SNX13: variants seen among roughly 807,000 people sequenced by gnomAD.
SNX13 encodes sorting nexin 13.
In SNX13, 45 loss-of-function variants were observed where a neutral mutation model predicts 133.6. That is an observed-to-expected ratio of 0.34 (90% CI 0.27 to 0.43). The LOEUF (loss-of-function observed/expected upper bound fraction) is 0.43. Ranked by LOEUF, SNX13 falls within the 20% of genes least tolerant of loss-of-function variation. The pLI is 1.00. For synonymous variants in SNX13, 414 were observed against 373.9 expected (o/e 1.11, Z -1.24); for missense variants, 1,032 against 1,145.1 (o/e 0.90, Z 1.43).
At chr7:17,855,615 A>G (rs937039220) in intron 9 of SNX13, among the ~76,000 whole-genome samples, 5 of 152,216 alleles carry the variant, frequency 3.3e-5, no homozygotes, top group Admixed American at 2.6e-4. Context: ...AGCCTGAATA[A>G]TAGCATGTCT....
chr7:17,856,719 T>C (rs1248838321), intron 9 of SNX13, among the ~76,000 whole-genome samples: 3 of 149,088 alleles, frequency 2.0e-5, no homozygotes, highest in South Asian at 2.1e-4. Context: ...ATGAGCCTGG[T>C]TGAGGTTGCA....
intron 1 of SNX13, 81 bp from the exon 2 acceptor site, chr7:17,897,527 A>G (rs1379897390): frequency 2.7e-6 from 2 of 748,074 alleles, no homozygotes; most frequent in African/African-American, 3.6e-5. Context: ...ACTTTTACAT[A>G]GTTTTAAATT....
rs942030874 is a variant in SNX13 at position 17,795,631 on chromosome 7, G to C, written c.2626+1196C>G. On this transcript the variant is annotated intron_variant, in intron 25 of 25. Transcript: ENST00000428135. Reference sequence around the variant, plus strand: ...CCATTTATTTGTTCTGTGTGTTTTTGAGTCTCTCTATTTCTACTGGAAAGT... The same window carrying C: ...CCATTTATTTGTTCTGTGTGTTTTTCAGTCTCTCTATTTCTACTGGAAAGT... 10 of 151,602 alleles carry C rather than the reference G, an allele frequency of 6.6e-5. No homozygotes were observed. In the East Asian group the frequency reaches 7.7e-4, roughly 12 times the overall value. 9.4% of individuals were successfully genotyped at this position (151,602 alleles called of 1,614,324 possible). A position where few individuals can be genotyped will look rare whatever the true frequency, so the allele number is the denominator to read the frequency against.
intron 3 of SNX13, among the ~76,000 whole-genome samples, chr7:17,892,945 A>C (rs974285728): frequency 6.6e-6 from 1 of 152,178 alleles, no homozygotes; most frequent in African/African-American, 2.4e-5. Context: ...TATTTTTCAA[A>C]GTAATGAAAA....
At chr7:17,860,814 G>C (rs1451993635) in intron 9 of SNX13, among the ~76,000 whole-genome samples, 1 of 152,118 alleles carries the variant, frequency 6.6e-6, no homozygotes, top group East Asian at 1.9e-4. Flanking sequence ...GTTCCACTAA[G>C]TCTACATTTC....
chr7:17,881,362 T>C (rs1199798636), intron 5 of SNX13: 1 of 151,810 alleles, frequency 6.6e-6, no homozygotes, highest in Non-Finnish European at 1.5e-5. Flanking sequence ...ACACGCACGT[T>C]AAGAGTTGGC....
intron 5 of SNX13, among the ~76,000 whole-genome samples, chr7:17,886,774 T>C (rs1213001234): frequency 6.6e-6 from 1 of 152,164 alleles, no homozygotes; most frequent in Admixed American, 6.5e-5. Flanking sequence ...TTTCCTAACA[T>C]GTCCTTCCTC....
At chr7:17,869,463 T>G (rs915260518) in intron 8 of SNX13, among the ~76,000 whole-genome samples, 1 of 152,158 alleles carries the variant, frequency 6.6e-6, no homozygotes, top group Non-Finnish European at 1.5e-5. Context: ...GCCAGTAATA[T>G]ATAAATTTAT....
At position 17,809,174 on chromosome 7, in the gene SNX13, T is replaced by G. The variant is rs186344048; in HGVS notation, c.2065-5594A>C. 1.9e-4 allele frequency among the ~76,000 whole-genome samples: 29 copies of G among 150,522 alleles called. 1 individual carries two copies. In the East Asian group the frequency reaches 5.3e-3, roughly 28 times the overall value. ...GAGACAGACTGGCATTCAGATAAAT[T>G]GTCAAGACCCACCGGAGTGCTGTAT... is the stretch of plus-strand genomic sequence containing the variant. On this transcript the variant is annotated intron_variant, in intron 20 of 25. Transcript: ENST00000428135.
intron 1 of SNX13, among the ~76,000 whole-genome samples, chr7:17,926,214 C>T (rs941648890): frequency 3.9e-5 from 6 of 151,974 alleles, no homozygotes; most frequent in African/African-American, 7.3e-5. Flanking sequence ...AACTGTATAA[C>T]GGGTGCTAGT....
At chr7:17,836,862 T>C (rs1171175763) in intron 13 of SNX13, among the ~76,000 whole-genome samples, 1 of 152,056 alleles carries the variant, frequency 6.6e-6, no homozygotes, top group Admixed American at 6.6e-5. Flanking sequence ...AAAATATACA[T>C]GCAAAACAGG....
chr7:17,842,587 ACT>A (rs1185001717), intron 12 of SNX13, among the ~76,000 whole-genome samples: 1 of 152,026 alleles, frequency 6.6e-6, no homozygotes, highest in Non-Finnish European at 1.5e-5. Context: ...ATGATTTGTA[ACT>A]CTATTTTTTT....
At chr7:17,802,774 T>C (rs1028212600) in intron 21 of SNX13, among the ~76,000 whole-genome samples, 1 of 152,182 alleles carries the variant, frequency 6.6e-6, no homozygotes, top group African/African-American at 2.4e-5. Flanking sequence ...AATACCTATA[T>C]GTTTTATAGC....
At chr7:17,896,522 C>A (rs959220181) in intron 2 of SNX13, among the ~76,000 whole-genome samples, 1 of 152,106 alleles carries the variant, frequency 6.6e-6, no homozygotes, top group African/African-American at 2.4e-5. Flanking sequence ...ATCCTCCAAA[C>A]CTATAGGCTC....
intron 21 of SNX13, among the ~76,000 whole-genome samples, chr7:17,802,619 AATAAAAATGAGGC>A (rs1210030371): frequency 6.6e-6 from 1 of 152,118 alleles, no homozygotes; most frequent in East Asian, 1.9e-4. Flanking sequence ...CACAAATAGA[AATAAAAATGAGGC>A]ATCAGAGAAA....
Position 17,875,806 on chromosome 7 carries a change from T to A in SNX13, c.441-16A>T, listed in dbSNP as rs1228581083. 1.3e-6 allele frequency: 2 copies of A among 1,564,782 alleles called. No individual in the cohort carries two copies. Among genetic ancestry groups the A allele is most frequent in the Admixed American group, 1.9e-5 (1 of 52,534 alleles). The stretch of plus-strand genomic sequence containing the variant: ...TTCTTTTGACCTTATAAAAAACACA[T>A]TACATAAAAGGATTATATAAATGCT... On this transcript the variant is annotated splice_polypyrimidine_tract_variant and intron_variant, in intron 5 of 25. Transcript: ENST00000428135.
chr7:17,881,042 G>A (rs1309656385), intron 5 of SNX13: 2 of 152,046 alleles, frequency 1.3e-5, no homozygotes, highest in South Asian at 2.1e-4. Flanking sequence ...TCCTGGAAAA[G>A]GTGCCTTATG....
intron 1 of SNX13, among the ~76,000 whole-genome samples, chr7:17,915,501 C>T (rs1236685178): frequency 6.6e-6 from 1 of 152,194 alleles, no homozygotes; most frequent in Non-Finnish European, 1.5e-5. Context: ...CAGGGTCTCT[C>T]TCCCCCATAT....
intron 25 of SNX13, chr7:17,795,100 G>C (rs1047994321): frequency 1.3e-5 from 2 of 151,548 alleles, no homozygotes; most frequent in Non-Finnish European, 3.0e-5. Context: ...GATAGTACAA[G>C]TTGGGTTGAA....
Sources: gnomAD v4.1 joint callset for allele counts (sites outside exome capture counted in the v4.1 genomes callset) on GRCh38, gnomAD v4.1.1 for gene constraint, MANE v1.5 for transcripts, NCBI Gene and HGNC (gene_info 2026-07-23, HGNC 2026-07-21) for gene names.